TMEM132B: variants seen among roughly 807,000 people sequenced by gnomAD.
TMEM132B encodes transmembrane protein 132B.
In TMEM132B, 18 loss-of-function variants were observed where a neutral mutation model predicts 90.8. That is an observed-to-expected ratio of 0.20 (90% CI 0.14 to 0.29). The LOEUF is 0.29. Ranked by LOEUF, TMEM132B falls within the 10% of genes least tolerant of loss-of-function variation. TMEM132B has a pLI of 1.00. For synonymous variants in TMEM132B, 504 were observed against 523.3 expected (o/e 0.96, Z 0.50); for missense variants, 1,096 against 1,326.8 (o/e 0.83, Z 2.70).
At chr12:125,312,692 G>A (rs1460832682) in intron 1 of TMEM132B, among the ~76,000 whole-genome samples, 3 of 152,192 alleles carry the variant, frequency 2.0e-5, no homozygotes, top group African/African-American at 4.8e-5. Context: ...TGTCTAAAAT[G>A]TACTCACCGT....
intron 3 of TMEM132B, among the ~76,000 whole-genome samples, chr12:125,514,970 C>T (rs1883072099): frequency 1.3e-5 from 2 of 152,184 alleles, no homozygotes; most frequent in South Asian, 2.1e-4. Context: ...GGTCCCAGGG[C>T]TCCAGAGAGG....
chr12:125,617,981 G>T (rs1223309471), intron 5 of TMEM132B, among the ~76,000 whole-genome samples: 4 of 150,832 alleles, frequency 2.7e-5, no homozygotes, highest in Non-Finnish European at 5.9e-5. Context: ...CATTATTTTT[G>T]AGAATACCCT....
intron 2 of TMEM132B, among the ~76,000 whole-genome samples, chr12:125,364,737 T>C (rs1326682870): frequency 6.6e-6 from 1 of 152,120 alleles, no homozygotes. Context: ...GTTAACTTTA[T>C]TTCTTAGTAT....
At chr12:125,643,504 G>A (rs1008674420) in intron 5 of TMEM132B, among the ~76,000 whole-genome samples, 2 of 152,170 alleles carry the variant, frequency 1.3e-5, no homozygotes, top group Non-Finnish European at 2.9e-5. Context: ...AAAAGACCAC[G>A]GTGAAATGCC....
At chr12:125,379,759 C>A (rs1878614519) in intron 2 of TMEM132B, among the ~76,000 whole-genome samples, 2 of 152,160 alleles carry the variant, frequency 1.3e-5, no homozygotes, top group African/African-American at 4.8e-5. Context: ...TGCATTTGAG[C>A]ACCAGAATAT....
intron 1 of TMEM132B, among the ~76,000 whole-genome samples, chr12:125,260,771 TGG>T (rs1874546309): frequency 6.6e-6 from 1 of 152,216 alleles, no homozygotes; most frequent in Non-Finnish European, 1.5e-5. Flanking sequence ...AAATAAAGGC[TGG>T]GCATAGTGGC....
chr12:125,497,656 C>G (rs1882595317), intron 3 of TMEM132B, among the ~76,000 whole-genome samples: 1 of 152,180 alleles, frequency 6.6e-6, no homozygotes, highest in African/African-American at 2.4e-5. Flanking sequence ...GGGCCCTCTT[C>G]TTCTGAACCA....
At chr12:125,616,701 C>G (rs1000973904) in intron 5 of TMEM132B, among the ~76,000 whole-genome samples, 2 of 152,148 alleles carry the variant, frequency 1.3e-5, no homozygotes, top group African/African-American at 4.8e-5. Flanking sequence ...GTGGGTAACA[C>G]TTTTCTGTTA....
intron 1 of TMEM132B, among the ~76,000 whole-genome samples, chr12:125,250,893 TCCTTTATTC>T (rs377713977): frequency 9.8e-5 from 15 of 152,334 alleles, no homozygotes; most frequent in African/African-American, 3.6e-4. Flanking sequence ...ATCTGAGTCT[TCCTTTATTC>T]CCTTAAAAAG....
At chr12:125,483,907 G>T (rs1411790114) in intron 3 of TMEM132B, among the ~76,000 whole-genome samples, 2 of 152,150 alleles carry the variant, frequency 1.3e-5, no homozygotes, top group Non-Finnish European at 2.9e-5. Context: ...AGGTTGATCG[G>T]GTCCAATCAG....
chr12:125,624,721 C>G (rs1198400253), intron 5 of TMEM132B, among the ~76,000 whole-genome samples: 1 of 152,200 alleles, frequency 6.6e-6, no homozygotes, highest in East Asian at 1.9e-4. Context: ...CACGATCTTA[C>G]TAGAGTCCAG....
At position 125,349,525 on chromosome 12, in the gene TMEM132B, G is replaced by A. The variant is rs1233900272; in HGVS notation, c.141G>A (p.Leu47=). ...SSLPAYLPTN[L]HISNAEESFF... is the part of the protein sequence containing the mutation. ...TCCCTGCTTACCTCCCCACGAACTT[G>A]CACATCTCCAATGCAGAGGAGTCCT... is the stretch of plus-strand genomic sequence containing the variant. Residue 47 remains leucine, a synonymous_variant, in exon 2 of 9, where the codon TTG becomes TTA. Transcript: ENST00000682704. The surrounding 1 kb of genome is among the most constrained non-coding windows in gnomAD (Gnocchi z 4.1). 6.2e-7 allele frequency: 1 copy of A among 1,614,170 alleles called. No homozygotes were observed. Among genetic ancestry groups the A allele is most frequent in the Admixed American group, 1.7e-5 (1 of 60,018 alleles).
At chr12:125,264,334 T>C (rs1874637606) in intron 1 of TMEM132B, among the ~76,000 whole-genome samples, 2 of 152,194 alleles carry the variant, frequency 1.3e-5, no homozygotes, top group African/African-American at 4.8e-5. Flanking sequence ...CAGAGTCCCA[T>C]TTGTCTTATA....
intron 1 of TMEM132B, among the ~76,000 whole-genome samples, chr12:125,211,075 A>G (rs921530144): frequency 1.4e-5 from 2 of 140,996 alleles, no homozygotes. Flanking sequence ...TCTCAAAAAA[A>G]AAAAATGTGA....
At chr12:125,341,860 G>A (rs1877189925) in intron 1 of TMEM132B, among the ~76,000 whole-genome samples, 1 of 152,124 alleles carries the variant, frequency 6.6e-6, no homozygotes, top group African/African-American at 2.4e-5. Flanking sequence ...TTGTGTAAAA[G>A]GAGCTTACTT....
intron 2 of TMEM132B, among the ~76,000 whole-genome samples, chr12:125,393,010 T>A (rs1285846745): frequency 6.6e-6 from 1 of 152,126 alleles, no homozygotes; most frequent in Non-Finnish European, 1.5e-5. Context: ...CAACAAGGGC[T>A]CCAACACCAA....
chr12:125,517,091 G>C (rs1427625827), intron 3 of TMEM132B, among the ~76,000 whole-genome samples: 2 of 152,120 alleles, frequency 1.3e-5, no homozygotes, highest in Non-Finnish European at 2.9e-5. Context: ...ATGGGAAGGG[G>C]GGTCCCATGT....
At chr12:125,560,516 T>A (rs1443414143) in intron 4 of TMEM132B, among the ~76,000 whole-genome samples, 1 of 152,004 alleles carries the variant, frequency 6.6e-6, no homozygotes, top group African/African-American at 2.4e-5. Flanking sequence ...CCAGTTAGAA[T>A]AGTGATCATT....
chr12:125,514,298 A>G (rs11610534), intron 3 of TMEM132B, among the ~76,000 whole-genome samples: 18,722 of 152,064 alleles, frequency 0.12, 1,680 homozygotes, highest in Admixed American at 0.29. Context: ...ACAGTTTTTC[A>G]GGCACTGTGT....
Sources: allele counts gnomAD v4.1 joint callset (sites outside exome capture counted in the v4.1 genomes callset), GRCh38; gene constraint gnomAD v4.1.1; non-coding constraint Gnocchi (gnomAD v3.1); transcripts MANE v1.5; gene names NCBI Gene and HGNC (gene_info 2026-07-23, HGNC 2026-07-21).